The following PCDH19 variants were observed in gnomAD, a reference collection of about 807,000 sequenced individuals.
PCDH19 encodes the protein protocadherin-19.
In PCDH19, 6 loss-of-function variants were observed where a neutral mutation model predicts 46.2. The observed-to-expected ratio is 0.13, with a 90% CI of 0.07 to 0.26. The LOEUF is 0.26. PCDH19 is among the 10% of genes least tolerant of loss of function. The probability of loss-of-function intolerance (pLI) is 1.00; values close to 1 mark genes in which losing one functional copy is unlikely to be tolerated. For synonymous variants in PCDH19, 481 were observed against 415.7 expected (o/e 1.16, Z -1.91); for missense variants, 740 against 972.3 (o/e 0.76, Z 3.18).
At chrX:100,369,634 C>T (rs1927163434) in intron 3 of PCDH19, among the ~76,000 whole-genome samples, 1 of 112,333 alleles carries the variant, frequency 8.9e-6, no homozygotes, top group Non-Finnish European at 1.9e-5. Flanking sequence ...ACACATTTGC[C>T]TACTGCAGAT....
intron 5 of PCDH19, among the ~76,000 whole-genome samples, chrX:100,309,674 T>C (rs1230452551): frequency 1.8e-5 from 2 of 110,956 alleles, no homozygotes; most frequent in African/African-American, 3.3e-5. Context: ...ACACTAGAAA[T>C]GTCTGGATGT....
Position 100,295,126 on chromosome X carries a change from G to A in PCDH19, c.*1151C>T, listed in dbSNP as rs1924554614. The stretch of plus-strand genomic sequence containing the variant: ...ATAAGCCTAAGATACAGAGCAACAT[G>A]GAGTTCTCAATCCCAGCCCATGACG... On this transcript the variant is annotated 3_prime_UTR_variant, in exon 6 of 6. Transcript: ENST00000373034. 1 of 112,043 alleles carries A rather than the reference G, an allele frequency of 8.9e-6. No individual in the cohort carries two copies. The highest frequency in any genetic ancestry group is 1.9e-5 in the Non-Finnish European group (1 of 53,126). The allele number at this position is 112,043 out of a possible 1,213,427, so 9.2% of individuals were successfully genotyped here.
intron 3 of PCDH19, among the ~76,000 whole-genome samples, chrX:100,398,853 C>T (rs893451210): frequency 8.9e-6 from 1 of 111,944 alleles, no homozygotes; most frequent in Non-Finnish European, 1.9e-5. Flanking sequence ...ACTGGATCTA[C>T]AGCTCATAAA....
intron 5 of PCDH19, among the ~76,000 whole-genome samples, chrX:100,330,788 C>A (rs1008122783): frequency 9.0e-6 from 1 of 111,458 alleles, no homozygotes; most frequent in East Asian, 2.8e-4. Flanking sequence ...CCTTATTTGC[C>A]ATTAAAATGA....
At chrX:100,385,931 T>G (rs982213417) in intron 3 of PCDH19, among the ~76,000 whole-genome samples, 2 of 111,606 alleles carry the variant, frequency 1.8e-5, no homozygotes, top group Non-Finnish European at 3.8e-5. Flanking sequence ...AATGTAAAGA[T>G]GAGAAAAGAG....
chrX:100,380,584 A>G (rs999781254), intron 3 of PCDH19, among the ~76,000 whole-genome samples: 1 of 111,774 alleles, frequency 8.9e-6, no homozygotes, highest in African/African-American at 3.3e-5. Flanking sequence ...AAACTAAACT[A>G]TTCAACAAAA....
intron 3 of PCDH19, among the ~76,000 whole-genome samples, chrX:100,385,566 TAA>T (rs1705892490): frequency 8.9e-6 from 1 of 112,174 alleles, no homozygotes; most frequent in East Asian, 2.8e-4. Flanking sequence ...ATTCAGCCAC[TAA>T]AAAATTGCTT....
chrX:100,363,856 CGT>C (rs1555980282), intron 3 of PCDH19, among the ~76,000 whole-genome samples: 10 of 88,990 alleles, frequency 1.1e-4, no homozygotes, highest in African/African-American at 4.4e-4. Context: ...AATGTGCGTG[CGT>C]GTGTGTGTGT....
intron 3 of PCDH19, among the ~76,000 whole-genome samples, chrX:100,379,830 A>G (rs751268721): frequency 2.1e-4 from 23 of 111,792 alleles, no homozygotes; most frequent in African/African-American, 6.2e-4. Context: ...AAATGTGACT[A>G]GATGAGCCTT....
At chrX:100,360,835 C>T (rs871781) in intron 3 of PCDH19, among the ~76,000 whole-genome samples, 3,769 of 111,764 alleles carry the variant, frequency 0.034, 167 homozygotes, top group African/African-American at 0.12. Context: ...TTTGGCATCA[C>T]TTCATAAACC....
intron 5 of PCDH19, among the ~76,000 whole-genome samples, chrX:100,320,930 G>GC (rs1031919547): frequency 2.0e-5 from 2 of 97,743 alleles, no homozygotes; most frequent in Non-Finnish European, 4.1e-5. Flanking sequence ...TTTATCAATC[G>GC]CCCCCCTTCC....
chrX:100,296,280 G>A lies in PCDH19; in HGVS notation c.3444C>T (p.Leu1148=). Residue 1148 remains leucine, a synonymous_variant, in exon 6 of 6, where the codon CTC becomes CTT. Coordinates refer to ENST00000373034, the MANE Select transcript of PCDH19 (RefSeq NM_001184880.2). ...TCTCTTCTTCCTGGAGACTGGTTTA[G>A]AGAACGATATCCTTCAGACGCTTCA... is the stretch of plus-strand genomic sequence containing the variant. ...PGVKRLKDIV[L] is the part of the protein sequence containing the mutation. The A allele has an allele frequency of 8.3e-7, 1 of 1,201,615 alleles. No homozygotes were observed. The highest frequency in any genetic ancestry group is 1.1e-6 in the Non-Finnish European group (1 of 886,114).
At chrX:100,299,029 T>C (rs1924698985) in intron 5 of PCDH19, among the ~76,000 whole-genome samples, 1 of 111,082 alleles carries the variant, frequency 9.0e-6, no homozygotes, top group African/African-American at 3.3e-5. Context: ...TGTTTCAGGG[T>C]AGAGAGAGTA....
intron 3 of PCDH19, among the ~76,000 whole-genome samples, chrX:100,364,400 A>G (rs1927016009): frequency 9.0e-6 from 1 of 111,522 alleles, no homozygotes; most frequent in Non-Finnish European, 1.9e-5. Context: ...TAGTTTTTCA[A>G]TCATAGTAGC....
intron 3 of PCDH19, among the ~76,000 whole-genome samples, chrX:100,384,022 A>C (rs1927635568): frequency 1.8e-5 from 2 of 111,996 alleles, no homozygotes; most frequent in South Asian, 7.4e-4. Context: ...ACCATCTAGG[A>C]AAATGTTTTT....
rs1292639614 is a variant in PCDH19 at position 100,296,057 on chromosome X, A to G, written c.*220T>C. ...GTTTCCCCAACATCAAGGCCCCATGAACAACTCAAGCCAAAGCTAATTTGC... is the reference window on the plus strand; with the variant it reads ...GTTTCCCCAACATCAAGGCCCCATGGACAACTCAAGCCAAAGCTAATTTGC... On this transcript the variant is annotated 3_prime_UTR_variant, in exon 6 of 6. Coordinates refer to ENST00000373034, the MANE Select transcript of PCDH19 (RefSeq NM_001184880.2). 2.3e-6 allele frequency: 1 copy of G among 438,163 alleles called. No individual in the cohort carries two copies. The highest frequency in any genetic ancestry group is 4.0e-5 in the Admixed American group (1 of 25,134). The allele number at this position is 438,163 out of a possible 1,213,427, so 36.1% of individuals were successfully genotyped here. A position where few individuals can be genotyped will look rare whatever the true frequency, so the allele number is the denominator to read the frequency against.
chrX:100,365,152 A>G (rs1002530535), intron 3 of PCDH19, among the ~76,000 whole-genome samples: 2 of 111,477 alleles, frequency 1.8e-5, no homozygotes, highest in African/African-American at 6.5e-5. Flanking sequence ...CAAAGCCTTG[A>G]CCTATGCTCC....
intron 3 of PCDH19, among the ~76,000 whole-genome samples, chrX:100,393,267 T>A (rs776679480): frequency 4.4e-4 from 48 of 110,146 alleles, no homozygotes; most frequent in African/African-American, 1.5e-3. Context: ...ACTAAGCTTA[T>A]GAGCATTTCC....
chrX:100,343,269 C>T lies in PCDH19; in HGVS notation c.2676-1194G>A, dbSNP rs766932735. Among the ~76,000 whole-genome samples the T allele has an allele frequency of 2.7e-5, 3 of 111,441 alleles. No individual in the cohort carries two copies. The Admixed American group carries it at 2.9e-4, about 11-fold the overall frequency. Reference sequence around the variant, plus strand: ...GGCAGATTATGAGATTCCTCAGCCCCCATAATCACATAAGCCCATACCTTA... The same window carrying T: ...GGCAGATTATGAGATTCCTCAGCCCTCATAATCACATAAGCCCATACCTTA... On this transcript the variant is annotated intron_variant, in intron 4 of 5. Coordinates refer to ENST00000373034, the MANE Select transcript of PCDH19 (RefSeq NM_001184880.2).
Sources: allele counts gnomAD v4.1 joint callset (sites outside exome capture counted in the v4.1 genomes callset), GRCh38; gene constraint gnomAD v4.1.1; transcripts MANE v1.5; gene names NCBI Gene and HGNC (gene_info 2026-07-23, HGNC 2026-07-21).